The following KCNB2 variants were observed in gnomAD, a reference collection of about 807,000 sequenced individuals.
KCNB2 encodes potassium voltage-gated channel subfamily B member 2.
KCNB2 carries 15 observed loss-of-function variants against 61.5 expected under a neutral mutation model. That is an observed-to-expected ratio of 0.24 (90% CI 0.16 to 0.38). The LOEUF (loss-of-function observed/expected upper bound fraction) is 0.38, where lower values mean the gene tolerates loss of function less well. Among genes scored for constraint, KCNB2 ranks in the 10% least tolerant of loss-of-function variants. The probability of loss-of-function intolerance (pLI) is 1.00; values close to 1 mark genes in which losing one functional copy is unlikely to be tolerated. For synonymous variants in KCNB2, 457 were observed against 446.0 expected (o/e 1.02, Z -0.31); for missense variants, 828 against 1,125.2 (o/e 0.74, Z 3.78).
chr8:72,567,501 T>A, intron 1 of KCNB2, 141 bp from the exon 2 acceptor site: 2 of 447,620 alleles, frequency 4.5e-6, no homozygotes, highest in Non-Finnish European at 7.8e-6. Flanking sequence ...TCTCCAAAAG[T>A]ATGTAGACAT....
At chr8:72,559,029 G>T (rs1197115066) in intron 1 of KCNB2, among the ~76,000 whole-genome samples, 1 of 152,126 alleles carries the variant, frequency 6.6e-6, no homozygotes, top group Non-Finnish European at 1.5e-5. Context: ...GAGGGCTGGG[G>T]GGAGCAGCAA....
At chr8:72,697,755 T>C (rs573699242) in intron 2 of KCNB2, among the ~76,000 whole-genome samples, 1 of 152,308 alleles carries the variant, frequency 6.6e-6, no homozygotes, top group African/African-American at 2.4e-5. Flanking sequence ...AAGCAGTTAT[T>C]CTCATTAAAA....
intron 2 of KCNB2, among the ~76,000 whole-genome samples, chr8:72,776,341 G>A (rs1344247263): frequency 6.6e-6 from 1 of 152,120 alleles, no homozygotes; most frequent in Non-Finnish European, 1.5e-5. Context: ...CGTGGCACAT[G>A]TATACATATG....
intron 2 of KCNB2, among the ~76,000 whole-genome samples, chr8:72,599,786 G>A (rs1485510342): frequency 3.9e-5 from 6 of 152,142 alleles, no homozygotes; most frequent in African/African-American, 1.2e-4. Flanking sequence ...AGTGGGCAAA[G>A]GATATGAACA....
chr8:72,772,859 T>G, intron 2 of KCNB2, among the ~76,000 whole-genome samples: 1 of 152,182 alleles, frequency 6.6e-6, no homozygotes, highest in Non-Finnish European at 1.5e-5. Context: ...GAACTCCATT[T>G]TAGGTTAGGT....
At chr8:72,694,211 T>G (rs1184186668) in intron 2 of KCNB2, among the ~76,000 whole-genome samples, 6 of 152,236 alleles carry the variant, frequency 3.9e-5, no homozygotes, top group African/African-American at 1.4e-4. Context: ...CTTGCAGACA[T>G]GCAAAGCCCT....
At chr8:72,790,128 G>A (rs1808913076) in intron 2 of KCNB2, among the ~76,000 whole-genome samples, 1 of 152,168 alleles carries the variant, frequency 6.6e-6, no homozygotes. Flanking sequence ...AAATGTTGCT[G>A]TAAGACAACA....
chr8:72,723,653 C>T lies in KCNB2; in HGVS notation c.579+155340C>T, dbSNP rs571751601. 3.9e-5 allele frequency among the ~76,000 whole-genome samples: 6 copies of T among 152,266 alleles called. No homozygotes were observed. The South Asian group carries it at 1.2e-3, about 32-fold the overall frequency. On this transcript the variant is annotated intron_variant, in intron 2 of 2. Transcript: ENST00000523207. ...TGGTGTCAGTCCCTCCTCTACCTAG[C>T]CTCAGACACTAGGTAGAATTGCTTC... is the stretch of plus-strand genomic sequence containing the variant.
chr8:72,565,510 A>C (rs1299543770), intron 1 of KCNB2, among the ~76,000 whole-genome samples: 1 of 152,148 alleles, frequency 6.6e-6, no homozygotes, highest in Non-Finnish European at 1.5e-5. Flanking sequence ...GATTTTCTGC[A>C]AAAACATTAT....
At chr8:72,680,122 T>C (rs116551457) in intron 2 of KCNB2, among the ~76,000 whole-genome samples, 2,122 of 152,336 alleles carry the variant, frequency 0.014, 40 homozygotes, top group African/African-American at 0.049. Flanking sequence ...TTATCTGTAC[T>C]TCTCAAGCAC....
intron 2 of KCNB2, among the ~76,000 whole-genome samples, chr8:72,916,344 T>A (rs1292587922): frequency 6.6e-6 from 1 of 152,156 alleles, no homozygotes; most frequent in African/African-American, 2.4e-5. Flanking sequence ...AGCCAGCTGC[T>A]TCACTGGTGG....
At chr8:72,557,833 A>G (rs1357592515) in intron 1 of KCNB2, among the ~76,000 whole-genome samples, 2 of 152,150 alleles carry the variant, frequency 1.3e-5, no homozygotes, top group African/African-American at 4.8e-5. Flanking sequence ...ATTACTAGAG[A>G]GTTTTATATA....
At chr8:72,843,424 T>C (rs1483130689) in intron 2 of KCNB2, among the ~76,000 whole-genome samples, 1 of 152,180 alleles carries the variant, frequency 6.6e-6, no homozygotes, top group African/African-American at 2.4e-5. Context: ...TGATTTGGGG[T>C]GGAGAGTTCT....
intron 2 of KCNB2, among the ~76,000 whole-genome samples, chr8:72,849,417 A>C (rs1028851495): frequency 4.6e-5 from 7 of 152,158 alleles, no homozygotes; most frequent in Admixed American, 3.9e-4. Flanking sequence ...TGTAAAGAAC[A>C]CTAGAACTTA....
At chr8:72,595,309 C>T (rs1296058345) in intron 2 of KCNB2, among the ~76,000 whole-genome samples, 5 of 150,544 alleles carry the variant, frequency 3.3e-5, no homozygotes, top group African/African-American at 1.2e-4. Context: ...TTGCTAATTT[C>T]TTTTTTTCTT....
intron 2 of KCNB2, among the ~76,000 whole-genome samples, chr8:72,793,905 T>C (rs1488607234): frequency 2.0e-5 from 3 of 152,220 alleles, no homozygotes; most frequent in African/African-American, 7.2e-5. Flanking sequence ...CAACATTTGA[T>C]TTCTCTAGGT....
intron 2 of KCNB2, among the ~76,000 whole-genome samples, chr8:72,889,048 C>T (rs150268120): frequency 4.6e-5 from 7 of 152,174 alleles, no homozygotes; most frequent in Admixed American, 6.5e-5. Flanking sequence ...GGAAGCTGCT[C>T]GGCACAGTAG....
At chr8:72,874,257 C>T (rs1805666967) in intron 2 of KCNB2, among the ~76,000 whole-genome samples, 1 of 152,114 alleles carries the variant, frequency 6.6e-6, no homozygotes, top group Non-Finnish European at 1.5e-5. Flanking sequence ...GTAACTTTGT[C>T]CTAGGGACTG....
At chr8:72,618,358 C>T (rs1411177822) in intron 2 of KCNB2, among the ~76,000 whole-genome samples, 1 of 152,054 alleles carries the variant, frequency 6.6e-6, no homozygotes, top group Non-Finnish European at 1.5e-5. Context: ...ATTAATTCAC[C>T]CTAAGTATTA....
Sources: allele counts gnomAD v4.1 joint callset (sites outside exome capture counted in the v4.1 genomes callset), GRCh38; gene constraint gnomAD v4.1.1; transcripts MANE v1.5; gene names NCBI Gene and HGNC (gene_info 2026-07-23, HGNC 2026-07-21).